The following KIF16B variants were observed in gnomAD, a reference collection of about 807,000 sequenced individuals.
KIF16B encodes kinesin family member 16B, also known as kinesin-like protein KIF16B.
Under a neutral mutation model 156.3 loss-of-function variants are expected in KIF16B, and 98 were observed. The ratio of observed to expected loss-of-function variants is 0.63; its 90% confidence interval spans 0.53 to 0.74. The LOEUF is 0.74. Ranked by LOEUF, KIF16B falls within the 30% of genes least tolerant of loss-of-function variation. The probability of loss-of-function intolerance (pLI) is 0.00; values close to 1 mark genes in which losing one functional copy is unlikely to be tolerated. For missense variants in KIF16B, 1,421 were observed against 1,606.5 expected (o/e 0.88, Z 1.97); for synonymous variants, 564 against 583.7 (o/e 0.97, Z 0.49).
intron 17 of KIF16B, among the ~76,000 whole-genome samples, chr20:16,399,435 C>T (rs1041071862): frequency 2.6e-5 from 4 of 152,296 alleles, no homozygotes; most frequent in African/African-American, 4.8e-5. Flanking sequence ...GACTGAGCCT[C>T]GGTCTGTCTC....
intron 15 of KIF16B, among the ~76,000 whole-genome samples, chr20:16,421,986 C>A (rs1286560456): frequency 6.6e-6 from 1 of 152,088 alleles, no homozygotes; most frequent in African/African-American, 2.4e-5. Flanking sequence ...AAAGTCGTAT[C>A]TTCAATATGA....
At chr20:16,571,283 G>A (rs1344661419) in intron 1 of KIF16B, among the ~76,000 whole-genome samples, 1 of 152,126 alleles carries the variant, frequency 6.6e-6, no homozygotes, top group Admixed American at 6.5e-5. Context: ...TAACTATCCT[G>A]CCTTCCAATT....
At chr20:16,358,352 C>T (rs548771670) in intron 22 of KIF16B, among the ~76,000 whole-genome samples, 13 of 152,234 alleles carry the variant, frequency 8.5e-5, no homozygotes, top group African/African-American at 2.2e-4. Flanking sequence ...CGTGAATGAT[C>T]GGGTTCTCAA....
intron 17 of KIF16B, among the ~76,000 whole-genome samples, chr20:16,400,024 A>G (rs945661945): frequency 6.6e-6 from 1 of 152,228 alleles, no homozygotes; most frequent in African/African-American, 2.4e-5. Flanking sequence ...TTTCAATGCA[A>G]GGATGAATGA....
At chr20:16,458,387 G>A (rs1417007383) in intron 12 of KIF16B, among the ~76,000 whole-genome samples, 1 of 152,162 alleles carries the variant, frequency 6.6e-6, no homozygotes, top group Non-Finnish European at 1.5e-5. Flanking sequence ...CGGTGGGCAT[G>A]AAAATAAAAG....
rs2014 is a variant in KIF16B at position 16,272,336 on chromosome 20, C to A, written c.*917G>T. The A allele has an allele frequency of 0.11, 16,633 of 152,572 alleles. 1,058 individuals are homozygous for A. The highest frequency in any genetic ancestry group is 0.18 in the African/African-American group (7,300 of 41,496). 9.5% of individuals were successfully genotyped at this position (152,572 alleles called of 1,614,324 possible). A position where few individuals can be genotyped will look rare whatever the true frequency, so the allele number is the denominator to read the frequency against. On this transcript the variant is annotated 3_prime_UTR_variant, in exon 26 of 26. Transcript: ENST00000354981. ...TAAAACAAAGCAGTTTTACTGTACA[C>A]AGAAGTGCAATGCTACATTAAGTCC...
At chr20:16,507,827 A>T in intron 7 of KIF16B, 131 bp downstream of exon 7, 2 of 925,008 alleles carry the variant, frequency 2.2e-6, no homozygotes, top group Non-Finnish European at 3.3e-6. Context: ...ACTCTAATTA[A>T]CAAGAAAATG....
In KIF16B at chr20:16,448,459, C is replaced by T. The variant is rs190220036; in HGVS notation, c.1303-18477G>A. Among the ~76,000 whole-genome samples the T allele has an allele frequency of 1.8e-3, 275 of 152,280 alleles. 2 individuals are homozygous for T. The highest frequency in any genetic ancestry group is 2.8e-3 in the Admixed American group (43 of 15,306). ...AAAGTGTAGACCACCTAGCCCAGTC[C>T]TTCAGCTCATGACCTCACACAGATT... On this transcript the variant is annotated intron_variant, in intron 12 of 25. Transcript: ENST00000354981.
chr20:16,465,071 T>C (rs1489831669), intron 12 of KIF16B, among the ~76,000 whole-genome samples: 1 of 152,166 alleles, frequency 6.6e-6, no homozygotes, highest in Non-Finnish European at 1.5e-5. Flanking sequence ...TATTTAAATA[T>C]AAATACCAAA....
Position 16,561,198 on chromosome 20 carries a change from G to A in KIF16B, c.47+12031C>T, listed in dbSNP as rs2071046682. Among the ~76,000 whole-genome samples the A allele has an allele frequency of 3.3e-5, 5 of 152,108 alleles. No individual in the cohort carries two copies. In the South Asian group the frequency reaches 1.0e-3, roughly 31 times the overall value. On this transcript the variant is annotated intron_variant, in intron 1 of 25. Coordinates refer to ENST00000354981, the MANE Select transcript of KIF16B (RefSeq NM_024704.5). ...AATGCCAGCTACTCAAGAGGCTGAG[G>A]CATAAGAATTGCTTGAACCCGGGAG...
intron 2 of KIF16B, among the ~76,000 whole-genome samples, chr20:16,527,470 T>A (rs2069589060): frequency 6.6e-6 from 1 of 152,238 alleles, no homozygotes; most frequent in Non-Finnish European, 1.5e-5. Context: ...GACTTGGCCA[T>A]GGAGCATCAT....
chr20:16,280,668 C>T (rs746907006), intron 25 of KIF16B, among the ~76,000 whole-genome samples: 2 of 152,140 alleles, frequency 1.3e-5, no homozygotes, highest in Non-Finnish European at 2.9e-5. Context: ...AAGAGGCTGA[C>T]AAAGTGACCA....
intron 10 of KIF16B, among the ~76,000 whole-genome samples, chr20:16,501,260 C>CACCAAGAATTCAATTCTTGGTTCAAT (rs2068613051): frequency 1.0e-5 from 1 of 98,976 alleles, no homozygotes; most frequent in African/African-American, 4.8e-5. Flanking sequence ...TACTTTTATA[C>CACCAAGAATTCAATTCTTGGTTCAAT]ACCAAGAATT....
At chr20:16,474,060 A>G (rs1387210242) in intron 12 of KIF16B, among the ~76,000 whole-genome samples, 1 of 152,126 alleles carries the variant, frequency 6.6e-6, no homozygotes. Flanking sequence ...CCACCTCCTC[A>G]GGTAATAGAG....
chr20:16,567,498 T>A (rs995765690), intron 1 of KIF16B, among the ~76,000 whole-genome samples: 1 of 152,172 alleles, frequency 6.6e-6, no homozygotes, highest in Non-Finnish European at 1.5e-5. Flanking sequence ...GCCATGGGCT[T>A]CTGTCATCTG....
In KIF16B at chr20:16,557,068, T is replaced by C. The variant is rs545862304; in HGVS notation, c.47+16161A>G. On this transcript the variant is annotated intron_variant, in intron 1 of 25. Transcript: ENST00000354981. ...TTAAAGATGTATTTACCATGAAAAA[T>C]GTAAAATATCTCATTAATACTATAT... Among the ~76,000 whole-genome samples the C allele has an allele frequency of 1.1e-3, 160 of 150,500 alleles. 2 individuals carry two copies. In the Middle Eastern group the frequency reaches 0.011, roughly 10 times the overall value.
chr20:16,414,370 A>G (rs2066034637), intron 15 of KIF16B, among the ~76,000 whole-genome samples: 1 of 152,154 alleles, frequency 6.6e-6, no homozygotes, highest in African/African-American at 2.4e-5. Flanking sequence ...ACATCATGCC[A>G]TCAGATCATC....
intron 1 of KIF16B, among the ~76,000 whole-genome samples, chr20:16,563,298 C>A (rs1045529368): frequency 1.3e-5 from 2 of 152,204 alleles, no homozygotes; most frequent in African/African-American, 4.8e-5. Flanking sequence ...TGCTGACCAA[C>A]CTCCCTGGAA....
chr20:16,474,033 CA>C (rs1351574648), intron 12 of KIF16B, among the ~76,000 whole-genome samples: 1 of 152,192 alleles, frequency 6.6e-6, no homozygotes, highest in Non-Finnish European at 1.5e-5. Context: ...CAAGCTCACT[CA>C]GTGTTCCCAA....
Sources: gnomAD v4.1 joint callset for allele counts (sites outside exome capture counted in the v4.1 genomes callset) on GRCh38, gnomAD v4.1.1 for gene constraint, MANE v1.5 for transcripts, NCBI Gene and HGNC (gene_info 2026-07-23, HGNC 2026-07-21) for gene names.